NUP210: variants seen among roughly 807,000 people sequenced by gnomAD.
NUP210 encodes nucleoporin 210, also known as nuclear pore membrane glycoprotein 210.
In NUP210, 151 loss-of-function variants were observed where a neutral mutation model predicts 196.0. The observed-to-expected ratio is 0.77, with a 90% CI of 0.67 to 0.88. NUP210 has a LOEUF of 0.88. NUP210 is among the 40% of genes least tolerant of loss of function. NUP210 has a pLI of 0.00. For missense variants in NUP210, 2,314 were observed against 2,493.7 expected, an observed-to-expected ratio of 0.93 and a Z score of 1.53; for synonymous variants, 1,070 against 1,052.7, an observed-to-expected ratio of 1.02 and a Z score of -0.32.
At chr3:13,411,835 G>T (rs1168493181) in intron 1 of NUP210, among the ~76,000 whole-genome samples, 1 of 152,204 alleles carries the variant, frequency 6.6e-6, no homozygotes, top group Non-Finnish European at 1.5e-5. Context: ...CCGCCTCCCG[G>T]GTTCAAGCAA....
chr3:13,332,045 T>C (rs781368130), intron 29 of NUP210, among the ~76,000 whole-genome samples: 1 of 152,156 alleles, frequency 6.6e-6, no homozygotes, highest in Non-Finnish European at 1.5e-5. Flanking sequence ...GACTGAATTT[T>C]AGTACCTCGC....
chr3:13,355,560 C>T (rs1030709803), intron 16 of NUP210, among the ~76,000 whole-genome samples: 6 of 152,214 alleles, frequency 3.9e-5, no homozygotes, highest in African/African-American at 1.4e-4. Context: ...CCTGGCCAGG[C>T]CCCGCCTGCC....
chr3:13,320,681 A>T (rs944931907), intron 36 of NUP210, among the ~76,000 whole-genome samples: 1 of 150,096 alleles, frequency 6.7e-6, no homozygotes, highest in African/African-American at 2.5e-5. Context: ...GCAGATCACA[A>T]GGTCAGGAGA....
intron 13 of NUP210, among the ~76,000 whole-genome samples, 192 bp downstream of exon 13, chr3:13,371,642 A>C (rs1698734498): frequency 6.6e-6 from 1 of 152,204 alleles, no homozygotes; most frequent in South Asian, 2.1e-4. Context: ...TGATTTCCCG[A>C]AGTCACACGG....
intron 6 of NUP210, among the ~76,000 whole-genome samples, chr3:13,380,711 G>T (rs116310760): frequency 0.01 from 1,546 of 152,300 alleles, 17 homozygotes; most frequent in Middle Eastern, 0.054. Context: ...CCTCCTCTCA[G>T]GCCAGCTCAG....
intron 31 of NUP210, 138 bp downstream of exon 31, chr3:13,328,633 G>T: frequency 1.2e-6 from 1 of 813,450 alleles, no homozygotes; most frequent in South Asian, 1.7e-5. Context: ...GCATGGTGCA[G>T]CATGCCCACA....
chr3:13,331,206 C>T (rs1179196027), intron 29 of NUP210, among the ~76,000 whole-genome samples: 4 of 152,118 alleles, frequency 2.6e-5, no homozygotes, highest in East Asian at 1.9e-4. Flanking sequence ...ACAGACTACC[C>T]GCTAAGAAAA....
intron 1 of NUP210, among the ~76,000 whole-genome samples, chr3:13,401,379 A>C (rs947475893): frequency 2.0e-5 from 3 of 151,230 alleles, no homozygotes; most frequent in Non-Finnish European, 4.4e-5. Flanking sequence ...CTTCCAACAC[A>C]CCTGAGCATG....
intron 1 of NUP210, among the ~76,000 whole-genome samples, chr3:13,413,514 T>A (rs1025250639): frequency 6.6e-6 from 1 of 150,974 alleles, no homozygotes; most frequent in African/African-American, 2.4e-5. Flanking sequence ...TACACACTAG[T>A]GTAAATAAGA....
intron 1 of NUP210, among the ~76,000 whole-genome samples, chr3:13,414,604 C>A (rs1338348759): frequency 1.3e-5 from 2 of 152,156 alleles, no homozygotes; most frequent in Non-Finnish European, 2.9e-5. Context: ...CACCCTCCCT[C>A]CCAGCCCTGC....
chr3:13,323,210 G>T lies in NUP210; in HGVS notation c.4768+99C>A. 6.8e-7 allele frequency: 1 copy of T among 1,464,878 alleles called. No homozygotes were observed. The highest frequency in any genetic ancestry group is 9.4e-7 in the Non-Finnish European group (1 of 1,069,136). 90.7% of individuals were successfully genotyped at this position (1,464,878 alleles called of 1,614,324 possible). A position where few individuals can be genotyped will look rare whatever the true frequency, so the allele number is the denominator to read the frequency against. ...TGCCCTCTCTGGAGTTGGTGTGAGT[G>T]TGAATAGGAGAAGCAGATAAACTCC... On this transcript the variant is annotated intron_variant, in intron 34 of 39. Transcript: ENST00000254508. This position sits in a 1 kb window ranked among gnomAD's most constrained non-coding sequence, Gnocchi z 4.3.
intron 25 of NUP210, among the ~76,000 whole-genome samples, chr3:13,338,327 C>T (rs1278648995): frequency 6.6e-6 from 1 of 152,220 alleles, no homozygotes; most frequent in Non-Finnish European, 1.5e-5. Flanking sequence ...GGGACGAATG[C>T]AGGAGCCCTG....
At chr3:13,320,800 G>A (rs556292840) in intron 36 of NUP210, among the ~76,000 whole-genome samples, 130 of 151,494 alleles carry the variant, frequency 8.6e-4, no homozygotes, top group African/African-American at 2.9e-3. Flanking sequence ...GCTGAGGTAG[G>A]AGAATGGCAT....
intron 20 of NUP210, chr3:13,345,284 G>T (rs1240311104): frequency 3.2e-6 from 3 of 950,042 alleles, no homozygotes; most frequent in East Asian, 2.3e-4. Context: ...GCTGATTCTG[G>T]TCCAACCACT....
intron 18 of NUP210, among the ~76,000 whole-genome samples, chr3:13,352,991 G>A (rs1035406859): frequency 2.0e-5 from 3 of 152,032 alleles, no homozygotes; most frequent in Non-Finnish European, 4.4e-5. Flanking sequence ...AGGGTGCTCA[G>A]GCATCAGGCA....
chr3:13,325,609 G>A (rs577216821), intron 33 of NUP210, among the ~76,000 whole-genome samples, 186 bp downstream of exon 33: 1 of 152,116 alleles, frequency 6.6e-6, no homozygotes, highest in African/African-American at 2.4e-5. Flanking sequence ...ACTGAAGCCT[G>A]GAAAAAAAAG....
intron 18 of NUP210, among the ~76,000 whole-genome samples, chr3:13,352,928 G>A (rs1698031121): frequency 6.6e-6 from 1 of 152,008 alleles, no homozygotes; most frequent in South Asian, 2.1e-4. Flanking sequence ...GCTATGGGGG[G>A]TGGGGGGACA....
chr3:13,342,250 A>ATT, intron 21 of NUP210, 127 bp from the exon 22 acceptor site: 1 of 1,169,560 alleles, frequency 8.6e-7, no homozygotes, highest in Non-Finnish European at 1.2e-6. Context: ...CAGGAGAGTC[A>ATT]CCCAGGTTGA....
intron 35 of NUP210, 130 bp from the exon 36 acceptor site, chr3:13,321,965 C>T: frequency 7.5e-7 from 1 of 1,328,242 alleles, no homozygotes; most frequent in South Asian, 1.4e-5. Flanking sequence ...TCACCTCCTC[C>T]AGGAGTCCTC....
Sources: allele counts gnomAD v4.1 joint callset (sites outside exome capture counted in the v4.1 genomes callset), GRCh38; gene constraint gnomAD v4.1.1; non-coding constraint Gnocchi (gnomAD v3.1); transcripts MANE v1.5; gene names NCBI Gene and HGNC (gene_info 2026-07-23, HGNC 2026-07-21).